HPSE2: variants seen among roughly 807,000 people sequenced by gnomAD.
HPSE2 encodes the protein heparanase 2 (inactive), also known as inactive heparanase-2.
A neutral mutation model predicts 60.5 loss-of-function variants in HPSE2; 38 were observed. That is an observed-to-expected ratio of 0.63 (90% CI 0.48 to 0.82). HPSE2 has a LOEUF of 0.82. Among genes scored for constraint, HPSE2 ranks in the 40% least tolerant of loss-of-function variants. The pLI, the probability that HPSE2 is intolerant of heterozygous loss-of-function variation, is 0.00. For missense variants in HPSE2, 713 were observed against 740.4 expected, an observed-to-expected ratio of 0.96 and a Z score of 0.43; for synonymous variants, 295 against 293.2, an observed-to-expected ratio of 1.01 and a Z score of -0.06.
At chr10:98,892,474 A>G (rs906649236) in intron 3 of HPSE2, among the ~76,000 whole-genome samples, 2 of 152,216 alleles carry the variant, frequency 1.3e-5, no homozygotes, top group African/African-American at 4.8e-5. Flanking sequence ...CATGTTCAAG[A>G]CATGGGAGTA....
intron 4 of HPSE2, among the ~76,000 whole-genome samples, chr10:98,724,998 C>T (rs1186244263): frequency 6.6e-6 from 1 of 152,098 alleles, no homozygotes; most frequent in African/African-American, 2.4e-5. Context: ...ACGATACAAA[C>T]AAATGGAAGA....
chr10:98,464,266 T>C (rs1371790327), intron 11 of HPSE2, among the ~76,000 whole-genome samples: 1 of 152,302 alleles, frequency 6.6e-6, no homozygotes, highest in Admixed American at 6.5e-5. Flanking sequence ...TTTTAAGGAA[T>C]AGATTTTGAA....
At chr10:99,168,087 T>TTTAC (rs376115339) in intron 2 of HPSE2, among the ~76,000 whole-genome samples, 3 of 144,622 alleles carry the variant, frequency 2.1e-5, no homozygotes, top group African/African-American at 7.9e-5. Flanking sequence ...TCAGCCTATT[T>TTTAC]ACACACACAC....
In HPSE2 at chr10:98,719,625, C is replaced by T. The variant is rs568880130; in HGVS notation, c.956+2032G>A. On this transcript the variant is annotated intron_variant, in intron 5 of 11. Coordinates refer to ENST00000370552, the MANE Select transcript of HPSE2 (RefSeq NM_021828.5). ...CTTATTAGCTGCAAATTTAGGCAGG[C>T]GCAGACCCTAAACGTCATGAGTGCA... 5.5e-4 allele frequency among the ~76,000 whole-genome samples: 81 copies of T among 146,230 alleles called. 1 individual carries two copies. The highest frequency in any genetic ancestry group is 1.8e-3 in the African/African-American group (70 of 39,190).
At chr10:98,462,020 T>A (rs1399084724) in intron 11 of HPSE2, among the ~76,000 whole-genome samples, 1 of 152,224 alleles carries the variant, frequency 6.6e-6, no homozygotes, top group Non-Finnish European at 1.5e-5. Context: ...TAGATGGCTT[T>A]GGCAAATCCC....
chr10:98,594,525 T>C (rs1317116195), intron 9 of HPSE2, among the ~76,000 whole-genome samples: 1 of 152,186 alleles, frequency 6.6e-6, no homozygotes, highest in Non-Finnish European at 1.5e-5. Flanking sequence ...TAACTTATTA[T>C]TTTCCATATA....
At chr10:99,271,775 A>G in the HPSE2 span, among the ~76,000 whole-genome samples, 3 of 152,212 alleles carry the variant, frequency 2.0e-5, no homozygotes, top group African/African-American at 7.2e-5. Flanking sequence ...CCAAAACTGC[A>G]TGGTTCTGGT....
intron 9 of HPSE2, among the ~76,000 whole-genome samples, chr10:98,530,949 G>A (rs760900396): frequency 6.6e-6 from 1 of 152,086 alleles, no homozygotes; most frequent in African/African-American, 2.4e-5. Context: ...AGTCATTTCT[G>A]CCCTTGATTT....
intron 7 of HPSE2, among the ~76,000 whole-genome samples, chr10:98,623,444 T>C (rs894503912): frequency 5.3e-5 from 8 of 152,188 alleles, no homozygotes; most frequent in Admixed American, 3.3e-4. Flanking sequence ...TCTGTGACTA[T>C]ATTAAAAACC....
rs1032399694 is a variant in HPSE2, at chr10:98,941,545, G to C, written c.611-197489C>G. On this transcript the variant is annotated intron_variant, in intron 3 of 11. Coordinates refer to ENST00000370552, the MANE Select transcript of HPSE2 (RefSeq NM_021828.5). ...AAGGGTTGTGAAGGACCTCTTCAAG[G>C]AGAACTACAAACCACTGCTCAATGA... is the stretch of plus-strand genomic sequence containing the variant. 2.1e-5 allele frequency among the ~76,000 whole-genome samples: 3 copies of C among 142,246 alleles called. 1 individual carries two copies. Among genetic ancestry groups the C allele is most frequent in the Non-Finnish European group, 4.5e-5 (3 of 66,846 alleles). 93.3% of individuals were successfully genotyped at this position (142,246 alleles called of 152,430 possible). A position where few individuals can be genotyped will look rare whatever the true frequency, so the allele number is the denominator to read the frequency against.
chr10:98,593,811 T>A (rs1238161210), intron 9 of HPSE2, among the ~76,000 whole-genome samples: 1 of 152,178 alleles, frequency 6.6e-6, no homozygotes, highest in Non-Finnish European at 1.5e-5. Context: ...AAAAACATAG[T>A]ATGAGATGTT....
chr10:98,773,475 A>G (rs992561395), intron 3 of HPSE2, among the ~76,000 whole-genome samples: 5 of 152,156 alleles, frequency 3.3e-5, no homozygotes, highest in African/African-American at 1.2e-4. Context: ...CCTGCTGTAA[A>G]CTCCAATCTG....
intron 2 of HPSE2, among the ~76,000 whole-genome samples, chr10:99,196,812 G>A (rs1396970392): frequency 6.6e-6 from 1 of 152,136 alleles, no homozygotes; most frequent in African/African-American, 2.4e-5. Context: ...GAGTTTAGAG[G>A]TTCCTCAAAA....
At chr10:98,746,830 T>C (rs1949641871) in intron 3 of HPSE2, among the ~76,000 whole-genome samples, 1 of 151,972 alleles carries the variant, frequency 6.6e-6, no homozygotes, top group Non-Finnish European at 1.5e-5. Flanking sequence ...GTTTCTTTTA[T>C]CTATACCATT....
intron 8 of HPSE2, among the ~76,000 whole-genome samples, chr10:98,619,533 T>C (rs1323770707): frequency 6.6e-6 from 1 of 152,216 alleles, no homozygotes; most frequent in Non-Finnish European, 1.5e-5. Flanking sequence ...TGGCTTGCTG[T>C]GAATATAGAA....
At chr10:99,181,705 G>A (rs1471605363) in intron 2 of HPSE2, among the ~76,000 whole-genome samples, 1 of 152,110 alleles carries the variant, frequency 6.6e-6, no homozygotes, top group Non-Finnish European at 1.5e-5. Flanking sequence ...ACAGGGAGGG[G>A]AACATCACAC....
chr10:98,560,647 A>G (rs900232324), intron 9 of HPSE2, among the ~76,000 whole-genome samples: 1 of 152,222 alleles, frequency 6.6e-6, no homozygotes, highest in African/African-American at 2.4e-5. Flanking sequence ...CAACTGCTTC[A>G]CAGTTGAACA....
intron 9 of HPSE2, among the ~76,000 whole-genome samples, chr10:98,576,999 G>C (rs1180039920): frequency 6.6e-6 from 1 of 151,888 alleles, no homozygotes; most frequent in Admixed American, 6.6e-5. Flanking sequence ...TTTAGCTCTT[G>C]AAAAACCCCT....
rs577847178 is a variant in HPSE2, at chr10:98,940,879, T to C, written c.611-196823A>G. Among the ~76,000 whole-genome samples the C allele has an allele frequency of 3.1e-3, 421 of 135,852 alleles. 3 individuals carry two copies. The highest frequency in any genetic ancestry group is 3.4e-3 in the Non-Finnish European group (224 of 65,234). The allele number at this position is 135,852 out of a possible 152,430, so 89.1% of individuals were successfully genotyped here. ...ATCCAGCAGCACATCAAAAAGCTTA[T>C]CCACCATAATCAAGTGGGCTTCATC... is the stretch of plus-strand genomic sequence containing the variant. On this transcript the variant is annotated intron_variant, in intron 3 of 11. Transcript: ENST00000370552.
Sources: gnomAD v4.1 joint callset for allele counts (sites outside exome capture counted in the v4.1 genomes callset) on GRCh38, gnomAD v4.1.1 for gene constraint, MANE v1.5 for transcripts, NCBI Gene and HGNC (gene_info 2026-07-23, HGNC 2026-07-21) for gene names.